MRPS9: variants seen among roughly 807,000 people sequenced by gnomAD.
MRPS9 encodes mitochondrial ribosomal protein S9, also known as small ribosomal subunit protein uS9m.
MRPS9 carries 45 observed loss-of-function variants against 59.9 expected under a neutral mutation model. The observed-to-expected ratio is 0.75, with a 90% CI of 0.59 to 0.96. The LOEUF is 0.96. MRPS9 is among the 40% of genes least tolerant of loss of function. The pLI is 0.00. For synonymous variants in MRPS9, 171 were observed against 166.8 expected (o/e 1.03, Z -0.19); for missense variants, 473 against 481.1 (o/e 0.98, Z 0.16).
chr2:105,063,703 G>T (rs1394148584), intron 2 of MRPS9, among the ~76,000 whole-genome samples: 2 of 152,154 alleles, frequency 1.3e-5, no homozygotes, highest in African/African-American at 4.8e-5. Flanking sequence ...AAATTAATCT[G>T]AATATAGTCT....
intron 5 of MRPS9, among the ~76,000 whole-genome samples, chr2:105,083,236 TA>T (rs1444872496): frequency 6.6e-6 from 1 of 152,116 alleles, no homozygotes; most frequent in Non-Finnish European, 1.5e-5. Flanking sequence ...GTGTAAAAAA[TA>T]AAATGCTATA....
intron 2 of MRPS9, among the ~76,000 whole-genome samples, chr2:105,065,049 C>G (rs150835293): frequency 6.9e-4 from 105 of 152,254 alleles, no homozygotes; most frequent in African/African-American, 2.5e-3. Context: ...ACATCTGTCT[C>G]CACTGATAGA....
chr2:105,055,587 A>ATTGCATTTTATTAAATATAGCGGG lies in MRPS9; in HGVS notation c.315+6237_315+6238insTTGCATTTTATTAAATATAGCGGG, dbSNP rs1558752539. ...TATTGCATTTTATTAAATATAGCGG[A>ATTGCATTTTATTAAATATAGCGGG]CCCCTTTTGGTATTGCATTTTATTA... On this transcript the variant is annotated intron_variant, in intron 2 of 10. Coordinates refer to ENST00000258455, the MANE Select transcript of MRPS9 (RefSeq NM_182640.3). Among the ~76,000 whole-genome samples, 33 of 119,866 alleles carry ATTGCATTTTATTAAATATAGCGGG rather than the reference A, an allele frequency of 2.8e-4. 1 individual carries two copies. The highest frequency in any genetic ancestry group is 9.7e-4 in the African/African-American group (31 of 32,024). 78.6% of individuals were successfully genotyped at this position (119,866 alleles called of 152,430 possible).
intron 2 of MRPS9, among the ~76,000 whole-genome samples, chr2:105,063,825 G>T (rs1300310827): frequency 1.3e-5 from 2 of 152,160 alleles, no homozygotes; most frequent in Non-Finnish European, 2.9e-5. Context: ...CCATTTGGTT[G>T]TTGATTTATT....
At chr2:105,080,890 A>C (rs1459074134) in intron 5 of MRPS9, among the ~76,000 whole-genome samples, 1 of 151,672 alleles carries the variant, frequency 6.6e-6, no homozygotes, top group Admixed American at 6.6e-5. Flanking sequence ...CCCACTTGTC[A>C]GGTACATTTA....
At chr2:105,061,712 G>T (rs1293571329) in intron 2 of MRPS9, among the ~76,000 whole-genome samples, 2 of 152,142 alleles carry the variant, frequency 1.3e-5, no homozygotes, top group East Asian at 3.9e-4. Flanking sequence ...CACTGCCTGG[G>T]GGGAGGAGCA....
At chr2:105,059,579 T>G (rs916268716) in intron 2 of MRPS9, among the ~76,000 whole-genome samples, 8 of 145,208 alleles carry the variant, frequency 5.5e-5, no homozygotes, top group Admixed American at 1.3e-4. Flanking sequence ...TTTTTTTTGT[T>G]TTTTTTTTGT....
At chr2:105,078,215 C>G (rs1245223081) in intron 4 of MRPS9, among the ~76,000 whole-genome samples, 1 of 140,684 alleles carries the variant, frequency 7.1e-6, no homozygotes, top group Non-Finnish European at 1.5e-5. Context: ...AACTATGATA[C>G]ATATCATGGT....
chr2:105,071,087 T>A (rs1680102995), intron 2 of MRPS9, among the ~76,000 whole-genome samples: 1 of 152,234 alleles, frequency 6.6e-6, no homozygotes, highest in African/African-American at 2.4e-5. Context: ...AGGAATGACA[T>A]GTTTAAAGCT....
chr2:105,093,471 C>T, intron 8 of MRPS9, 59 bp from the exon 9 acceptor site: 1 of 957,956 alleles, frequency 1.0e-6, no homozygotes, highest in Non-Finnish European at 1.6e-6. Context: ...TGTAGTTTTA[C>T]CTGTCTCAAA....
chr2:105,098,932 G>A (rs904402692), intron 10 of MRPS9, among the ~76,000 whole-genome samples: 1 of 152,136 alleles, frequency 6.6e-6, no homozygotes, highest in Non-Finnish European at 1.5e-5. Flanking sequence ...CACTGCTGGG[G>A]CTCTTCCTTA....
chr2:105,044,192 C>T (rs111423659), intron 1 of MRPS9, among the ~76,000 whole-genome samples: 10,591 of 151,670 alleles, frequency 0.07, 521 homozygotes, highest in East Asian at 0.27. Context: ...TTCGGCCTCC[C>T]AAAGTGCTGG....
intron 1 of MRPS9, among the ~76,000 whole-genome samples, chr2:105,044,270 C>A (rs1344894416): frequency 1.3e-5 from 2 of 152,180 alleles, no homozygotes; most frequent in African/African-American, 4.8e-5. Flanking sequence ...AAATTCCCTT[C>A]AAGAATTCTT....
At chr2:105,095,459 A>G (rs563940028) in intron 9 of MRPS9, among the ~76,000 whole-genome samples, 8 of 151,790 alleles carry the variant, frequency 5.3e-5, no homozygotes, top group South Asian at 2.1e-4. Context: ...GGTAAATGCA[A>G]TAGTGGAATT....
At position 105,092,411 on chromosome 2, in the gene MRPS9, T is replaced by C; in HGVS notation, c.662T>C (p.Phe221Ser). 2 of 1,611,180 alleles carry C rather than the reference T, an allele frequency of 1.2e-6. No individual in the cohort carries two copies. The highest frequency in any genetic ancestry group is 1.7e-6 in the Non-Finnish European group (2 of 1,179,192). The change falls in exon 8 of 11, where the codon TTC (phenylalanine) becomes TCC (serine). Residue 221 changes from phenylalanine to serine, a missense_variant. Physicochemically the swap from Phe to Ser is radical, Grantham distance 155 (BLOSUM62 -2). Coordinates refer to ENST00000258455, the MANE Select transcript of MRPS9 (RefSeq NM_182640.3). ...TTTTATTGTCTGCAGTATATGCAGT[T>C]CATTCGGCTGCTAGAAAAGTTATTG... The part of the protein sequence containing the change: ...EKLSDLDYMQ[F>S]IRLLEKLLTS...
intron 2 of MRPS9, among the ~76,000 whole-genome samples, chr2:105,063,570 C>T (rs1679943740): frequency 1.3e-5 from 2 of 152,208 alleles, no homozygotes; most frequent in Admixed American, 1.3e-4. Flanking sequence ...TGTTTTTTGG[C>T]TGCACTATTT....
At chr2:105,045,326 AAAG>A (rs1269373536) in intron 1 of MRPS9, among the ~76,000 whole-genome samples, 37 of 151,146 alleles carry the variant, frequency 2.4e-4, no homozygotes, top group African/African-American at 9.0e-4. Context: ...GCCAAAAAAA[AAAG>A]AAAACCCAAT....
At chr2:105,089,561 T>C (rs766893718) in intron 6 of MRPS9, among the ~76,000 whole-genome samples, 2 of 152,194 alleles carry the variant, frequency 1.3e-5, no homozygotes, top group Non-Finnish European at 2.9e-5. Flanking sequence ...TCCCTTTAGT[T>C]GACCTTGCTA....
chr2:105,098,766 C>A (rs908711367), intron 10 of MRPS9: 1 of 152,120 alleles, frequency 6.6e-6, no homozygotes, highest in South Asian at 2.1e-4. Context: ...AATACCCAAG[C>A]CTTGTATACA....
Sources: gnomAD v4.1 joint callset for allele counts (sites outside exome capture counted in the v4.1 genomes callset) on GRCh38, gnomAD v4.1.1 for gene constraint, MANE v1.5 for transcripts, NCBI Gene and HGNC (gene_info 2026-07-23, HGNC 2026-07-21) for gene names.